The following ECPAS variants were observed in gnomAD, a reference collection of about 807,000 sequenced individuals.
ECPAS encodes the protein proteasome adapter and scaffold protein ECM29.
A neutral mutation model predicts 255.1 loss-of-function variants in ECPAS; 70 were observed. The ratio of observed to expected loss-of-function variants is 0.27; its 90% CI spans 0.23 to 0.33. The LOEUF is 0.33. Ranked by LOEUF, ECPAS falls within the 10% of genes least tolerant of loss-of-function variation. The probability of loss-of-function intolerance (pLI) is 1.00; values close to 1 mark genes in which losing one functional copy is unlikely to be tolerated. For synonymous variants in ECPAS, 784 were observed against 775.0 expected, an observed-to-expected ratio of 1.01 and a Z score of -0.19; for missense variants, 1,817 against 2,206.4, an observed-to-expected ratio of 0.82 and a Z score of 3.54.
chr9:111,432,806 T>C (rs1430947292), intron 8 of ECPAS, among the ~76,000 whole-genome samples: 1 of 152,238 alleles, frequency 6.6e-6, no homozygotes, highest in African/African-American at 2.4e-5. Flanking sequence ...GTGTGTGAAT[T>C]AGAATCTATT....
At chr9:111,479,907 C>T (rs1443568112) in intron 1 of ECPAS, among the ~76,000 whole-genome samples, 1 of 145,752 alleles carries the variant, frequency 6.9e-6, no homozygotes. Context: ...TAAACCCAGG[C>T]GGCAAAGGTT....
chr9:111,425,832 T>C lies in ECPAS; in HGVS notation c.1051-4A>G, dbSNP rs1378038923. The C allele has an allele frequency of 7.0e-7, 1 of 1,438,732 alleles. No individual in the cohort carries two copies. Among genetic ancestry groups the C allele is most frequent in the African/African-American group, 1.4e-5 (1 of 71,352 alleles). 89.1% of individuals were successfully genotyped at this position (1,438,732 alleles called of 1,614,324 possible). On this transcript the variant is annotated splice_region_variant and splice_polypyrimidine_tract_variant and intron_variant, in intron 10 of 49. Transcript: ENST00000684092. The stretch of plus-strand genomic sequence containing the variant: ...CAAAAAGTCCATCATACACCACCTA[T>C]GTAAAATGAAGAGTTGAGAACATCA...
chr9:111,447,601 A>G (rs1184939264), intron 3 of ECPAS, among the ~76,000 whole-genome samples: 1 of 152,232 alleles, frequency 6.6e-6, no homozygotes, highest in Admixed American at 6.5e-5. Flanking sequence ...AAATGAAAAG[A>G]TAAGTCAAAG....
intron 24 of ECPAS, among the ~76,000 whole-genome samples, chr9:111,404,132 T>C (rs1482848178): frequency 2.0e-5 from 3 of 149,742 alleles, no homozygotes; most frequent in Middle Eastern, 3.4e-3. Context: ...GGGAATTTTA[T>C]AGTAATAAAA....
chr9:111,366,882 A>G (rs1425565437), intron 46 of ECPAS, among the ~76,000 whole-genome samples: 1 of 152,244 alleles, frequency 6.6e-6, no homozygotes, highest in East Asian at 1.9e-4. Flanking sequence ...TTCCTTGATC[A>G]GAAACTGCCC....
At chr9:111,421,458 G>A (rs991944301) in intron 15 of ECPAS, among the ~76,000 whole-genome samples, 1 of 144,266 alleles carries the variant, frequency 6.9e-6, no homozygotes, top group African/African-American at 2.6e-5. Flanking sequence ...TGTATCTACA[G>A]ATATTCAAAA....
chr9:111,391,198 C>A (rs1393034262), intron 29 of ECPAS, among the ~76,000 whole-genome samples: 1 of 152,138 alleles, frequency 6.6e-6, no homozygotes, highest in Non-Finnish European at 1.5e-5. Context: ...CCTCCTCATC[C>A]CCCCAGAGTG....
chr9:111,406,940 T>C (rs879540196), intron 24 of ECPAS, among the ~76,000 whole-genome samples: 9 of 149,206 alleles, frequency 6.0e-5, no homozygotes, highest in Admixed American at 2.6e-4. Flanking sequence ...CAGCACTGTG[T>C]CCTATTCGAC....
Position 111,419,888 on chromosome 9 carries a change from G to A in ECPAS, c.1559+129C>T, listed in dbSNP as rs971372399. The A allele has an allele frequency of 4.8e-6, 3 of 625,710 alleles. No individual in the cohort carries two copies. In the African/African-American group the frequency reaches 5.6e-5, roughly 12 times the overall value. 38.8% of individuals were successfully genotyped at this position (625,710 alleles called of 1,614,324 possible). On this transcript the variant is annotated intron_variant, in intron 16 of 49. Transcript: ENST00000684092. ...TGAGTACAGGTCTATATCACATCAAGAGCCATACTTTCTTTAATAAATAGC... is the reference window on the plus strand; with the variant it reads ...TGAGTACAGGTCTATATCACATCAAAAGCCATACTTTCTTTAATAAATAGC...
chr9:111,423,418 C>T (rs908789770), intron 12 of ECPAS, among the ~76,000 whole-genome samples, 170 bp from the exon 13 acceptor site: 1 of 152,172 alleles, frequency 6.6e-6, no homozygotes, highest in African/African-American at 2.4e-5. Flanking sequence ...TGAACAACAA[C>T]AAAAATGTCC....
At position 111,411,090 on chromosome 9, in the gene ECPAS, C is replaced by T. The variant is rs147862933; in HGVS notation, c.2267G>A (p.Arg756Lys). ...SLLALGFTVG[R>K]YLAKKKMRMS... ...TCTCATTTTCTTTTTAGCCAAATAC[C>T]TTCCCACCGTGAATCCCAATGCAAG... The change falls in exon 22 of 50, where the codon AGG becomes AAG. Residue 756 changes from arginine (R) to lysine (K), a missense_variant. By Grantham distance (26) the Arg-to-Lys change is conservative. This residue lies in a region of ECPAS where 194 missense variants were observed against 152.8 expected (regional missense o/e 1.27). Transcript: ENST00000684092. 1 of 1,613,656 alleles carries T rather than the reference C, an allele frequency of 6.2e-7. No individual in the cohort carries two copies. Among genetic ancestry groups the T allele is most frequent in the African/African-American group, 1.3e-5 (1 of 74,832 alleles).
intron 24 of ECPAS, among the ~76,000 whole-genome samples, chr9:111,398,745 T>C (rs1358834392): frequency 6.6e-6 from 1 of 152,106 alleles, no homozygotes. Flanking sequence ...AAGACCAGCC[T>C]GGCCAATATG....
intron 12 of ECPAS, 120 bp from the exon 13 acceptor site, chr9:111,423,368 A>G (rs2098217053): frequency 1.4e-6 from 1 of 695,130 alleles, no homozygotes; most frequent in Non-Finnish European, 2.5e-6. Context: ...TCCTTATTAA[A>G]CCTAGGTCTC....
intron 2 of ECPAS, among the ~76,000 whole-genome samples, chr9:111,469,382 A>C (rs189184304): frequency 2.0e-4 from 30 of 150,384 alleles, no homozygotes; most frequent in Non-Finnish European, 3.8e-4. Flanking sequence ...AACATACAAA[A>C]AATTAGCTGG....
intron 31 of ECPAS, 148 bp from the exon 32 acceptor site, chr9:111,386,604 C>T (rs4978995): frequency 0.076 from 45,929 of 606,554 alleles, 2,372 homozygotes; most frequent in East Asian, 0.19. Context: ...GGCCACTCAG[C>T]CCACAAATCT....
chr9:111,365,315 CATCATCAT>C (rs2098119018), intron 48 of ECPAS, among the ~76,000 whole-genome samples: 2 of 151,030 alleles, frequency 1.3e-5, no homozygotes, highest in African/African-American at 2.4e-5. Flanking sequence ...TCATCATCAT[CATCATCAT>C]CACCTGGACT....
At chr9:111,394,106 C>T in intron 26 of ECPAS, 54 bp downstream of exon 26, 1 of 1,501,146 alleles carries the variant, frequency 6.7e-7, no homozygotes, top group African/African-American at 1.4e-5. Flanking sequence ...GCTTTCCTTG[C>T]TACTTATAAT....
chr9:111,421,124 C>T (rs2131790124), intron 15 of ECPAS, among the ~76,000 whole-genome samples: 1 of 152,290 alleles, frequency 6.6e-6, no homozygotes, highest in South Asian at 2.1e-4. Context: ...ACATGCACTG[C>T]ACACTAAGAG....
intron 8 of ECPAS, among the ~76,000 whole-genome samples, chr9:111,431,499 A>G (rs1397777052): frequency 6.6e-6 from 1 of 150,894 alleles, no homozygotes; most frequent in East Asian, 2.0e-4. Flanking sequence ...GGGAGATTGC[A>G]GTGAGCCGAG....
Sources: gnomAD v4.1 joint callset for allele counts (sites outside exome capture counted in the v4.1 genomes callset) on GRCh38, gnomAD v4.1.1 for gene constraint, gnomAD v4.1.1 regional missense constraint, MANE v1.5 for transcripts, NCBI Gene and HGNC (gene_info 2026-07-23, HGNC 2026-07-21) for gene names.